Variants in IGF1R observed in about 807,000 individuals in gnomAD.
IGF1R encodes the protein insulin like growth factor 1 receptor, also known as insulin-like growth factor 1 receptor.
A neutral mutation model predicts 144.6 loss-of-function variants in IGF1R; 44 were observed. That is an observed-to-expected ratio of 0.30 (90% CI 0.24 to 0.39). IGF1R has a LOEUF of 0.39. IGF1R is among the 10% of genes least tolerant of loss of function. IGF1R has a pLI of 1.00. For synonymous variants in IGF1R, 795 were observed against 722.8 expected (o/e 1.10, Z -1.60); for missense variants, 1,355 against 1,833.7 (o/e 0.74, Z 4.77).
rs539502995 is a variant in IGF1R, at chr15:98,753,267, C to G, written c.640+45160C>G. Among the ~76,000 whole-genome samples, 5 of 148,516 alleles carry G rather than the reference C, an allele frequency of 3.4e-5. No individual in the cohort carries two copies. The Admixed American group carries it at 3.4e-4, about 10-fold the overall frequency. On this transcript the variant is annotated intron_variant, in intron 2 of 20. Transcript: ENST00000650285. ...TTAAATAAAGAGGGTCTCAGGCTGG[C>G]GTGCAGTGGCACGATCTCGGCTCAC...
intron 2 of IGF1R, among the ~76,000 whole-genome samples, chr15:98,818,282 A>G (rs2056736460): frequency 6.6e-6 from 1 of 152,202 alleles, no homozygotes; most frequent in Non-Finnish European, 1.5e-5. Context: ...TCACAGTATT[A>G]GATGGGACCA....
intron 1 of IGF1R, among the ~76,000 whole-genome samples, chr15:98,656,443 A>C (rs2052486791): frequency 1.3e-5 from 2 of 152,110 alleles, no homozygotes; most frequent in African/African-American, 4.8e-5. Context: ...CAGCTACGTG[A>C]GAGGCTGAGG....
intron 6 of IGF1R, 49 bp downstream of exon 6, chr15:98,908,948 G>A: frequency 5.9e-6 from 9 of 1,520,056 alleles, no homozygotes; most frequent in Non-Finnish European, 7.2e-6. Context: ...CATGATAACA[G>A]CAGACCCTCC....
chr15:98,897,923 ATTTTT>A (rs5814911), intron 4 of IGF1R, among the ~76,000 whole-genome samples: 1 of 146,348 alleles, frequency 6.8e-6, no homozygotes, highest in Non-Finnish European at 1.5e-5. Context: ...TTTATGAAGA[ATTTTT>A]TTTTTTTTTT....
chr15:98,790,490 G>A (rs901870199), intron 2 of IGF1R, among the ~76,000 whole-genome samples: 4 of 152,226 alleles, frequency 2.6e-5, no homozygotes, highest in African/African-American at 4.8e-5. Context: ...GTGGTATAGC[G>A]GGGGAGCAGG....
At chr15:98,718,423 A>G (rs1244072960) in intron 2 of IGF1R, among the ~76,000 whole-genome samples, 1 of 152,182 alleles carries the variant, frequency 6.6e-6, no homozygotes, top group African/African-American at 2.4e-5. Context: ...TAATGAAGGG[A>G]CCTGGATGAA....
chr15:98,752,236 A>C (rs2141335674), intron 2 of IGF1R, among the ~76,000 whole-genome samples: 1 of 152,198 alleles, frequency 6.6e-6, no homozygotes, highest in East Asian at 1.9e-4. Context: ...GACATTTATG[A>C]CTGTTTTCTG....
chr15:98,669,526 T>C (rs1245728813), intron 1 of IGF1R, among the ~76,000 whole-genome samples: 2 of 152,196 alleles, frequency 1.3e-5, no homozygotes, highest in Non-Finnish European at 2.9e-5. Context: ...GAATTCTTAC[T>C]GCTTGATGGA....
chr15:98,777,871 C>T (rs550548111), intron 2 of IGF1R, among the ~76,000 whole-genome samples: 2 of 152,154 alleles, frequency 1.3e-5, no homozygotes, highest in Non-Finnish European at 2.9e-5. Flanking sequence ...CAAATGTAGA[C>T]CACTGCAGAT....
intron 2 of IGF1R, among the ~76,000 whole-genome samples, chr15:98,723,623 TATAAAG>T (rs1294275894): frequency 6.6e-6 from 1 of 152,182 alleles, no homozygotes; most frequent in East Asian, 1.9e-4. Context: ...GATTACAGAC[TATAAAG>T]ATAAAGAGTA....
intron 13 of IGF1R, among the ~76,000 whole-genome samples, chr15:98,926,741 G>T (rs1008058602): frequency 6.6e-6 from 1 of 152,160 alleles, no homozygotes; most frequent in Admixed American, 6.5e-5. Context: ...TATGTGCCTG[G>T]CACTGTTCCT....
intron 5 of IGF1R, among the ~76,000 whole-genome samples, chr15:98,908,406 A>G (rs141924843): frequency 1.1e-4 from 17 of 152,378 alleles, no homozygotes; most frequent in African/African-American, 3.8e-4. Flanking sequence ...GAATGATTCT[A>G]GTAACATCCT....
chr15:98,797,266 C>T (rs2056266066), intron 2 of IGF1R, among the ~76,000 whole-genome samples: 1 of 152,146 alleles, frequency 6.6e-6, no homozygotes, highest in Admixed American at 6.5e-5. Context: ...AGTGTTGGCC[C>T]CTGGGCTGCA....
chr15:98,700,781 C>T (rs1471065457), intron 1 of IGF1R, among the ~76,000 whole-genome samples: 2 of 152,088 alleles, frequency 1.3e-5, no homozygotes, highest in Non-Finnish European at 2.9e-5. Context: ...AGTACCCTGC[C>T]TCCCACTCTT....
intron 7 of IGF1R, among the ~76,000 whole-genome samples, chr15:98,912,165 T>C (rs1043080479): frequency 2.0e-5 from 3 of 152,176 alleles, no homozygotes; most frequent in African/African-American, 7.2e-5. Flanking sequence ...CTTACCCAGG[T>C]CCCATGTTAA....
intron 18 of IGF1R, among the ~76,000 whole-genome samples, chr15:98,940,125 A>G (rs949947693): frequency 1.8e-4 from 28 of 152,268 alleles, no homozygotes; most frequent in Admixed American, 9.8e-4. Context: ...CACACATAAC[A>G]TCAGGGCTGC....
intron 2 of IGF1R, among the ~76,000 whole-genome samples, chr15:98,815,274 C>T (rs942028981): frequency 3.3e-5 from 5 of 152,184 alleles, no homozygotes; most frequent in African/African-American, 9.7e-5. Flanking sequence ...CAACAGAAAA[C>T]CTGGGGAACA....
chr15:98,817,420 C>T (rs2141470896), intron 2 of IGF1R, among the ~76,000 whole-genome samples: 1 of 152,000 alleles, frequency 6.6e-6, no homozygotes, highest in African/African-American at 2.4e-5. Flanking sequence ...AAGAAGAAAA[C>T]ACAAAACAGT....
At chr15:98,922,117 C>T (rs750607538) in intron 10 of IGF1R, 31 bp from the exon 11 acceptor site, 2 of 1,613,650 alleles carry the variant, frequency 1.2e-6, no homozygotes, top group African/African-American at 1.3e-5. Context: ...GGTAAAAGTA[C>T]TTAAAAGCCA....
Sources: allele counts gnomAD v4.1 joint callset (sites outside exome capture counted in the v4.1 genomes callset), GRCh38; gene constraint gnomAD v4.1.1; transcripts MANE v1.5; gene names NCBI Gene and HGNC (gene_info 2026-07-23, HGNC 2026-07-21).